The following SMYD3 variants were observed in gnomAD, a reference collection of about 807,000 sequenced individuals.
SMYD3 encodes the protein SET and MYND domain containing 3, also known as histone-lysine N-methyltransferase SMYD3.
In SMYD3, 36 loss-of-function variants were observed where a neutral mutation model predicts 57.7. The observed-to-expected ratio is 0.62, with a 90% CI of 0.48 to 0.82. The LOEUF (loss-of-function observed/expected upper bound fraction) is 0.82, where lower values mean the gene tolerates loss of function less well. SMYD3 is among the 40% of genes least tolerant of loss of function. The pLI is 0.00. For missense variants in SMYD3, 515 were observed against 538.8 expected (o/e 0.96, Z 0.44); for synonymous variants, 211 against 195.0 (o/e 1.08, Z -0.68).
chr1:245,985,125 C>A (rs2058676810), intron 5 of SMYD3, among the ~76,000 whole-genome samples: 1 of 152,128 alleles, frequency 6.6e-6, no homozygotes, highest in Non-Finnish European at 1.5e-5. Flanking sequence ...CCACCTCCTT[C>A]ACTGCCTCCC....
intron 8 of SMYD3, among the ~76,000 whole-genome samples, chr1:245,864,681 T>G (rs1219324962): frequency 6.6e-6 from 1 of 152,062 alleles, no homozygotes; most frequent in Non-Finnish European, 1.5e-5. Flanking sequence ...GCTCTAAAAT[T>G]GACACCATGC....
chr1:246,089,644 T>C (rs2060786299), intron 5 of SMYD3, among the ~76,000 whole-genome samples: 1 of 152,192 alleles, frequency 6.6e-6, no homozygotes, highest in Non-Finnish European at 1.5e-5. Flanking sequence ...CAGATTTTCA[T>C]GTTATATTTC....
At chr1:245,778,972 C>T (rs1255165298) in intron 10 of SMYD3, among the ~76,000 whole-genome samples, 1 of 151,912 alleles carries the variant, frequency 6.6e-6, no homozygotes, top group African/African-American at 2.4e-5. Context: ...CCAGCCTGGC[C>T]AACATGGTGA....
intron 10 of SMYD3, among the ~76,000 whole-genome samples, chr1:245,847,107 T>C (rs1032532017): frequency 6.6e-6 from 1 of 152,190 alleles, no homozygotes; most frequent in African/African-American, 2.4e-5. Context: ...CCTTAACACA[T>C]CTAACAATAA....
At chr1:245,894,099 G>T (rs1232021460) in intron 8 of SMYD3, among the ~76,000 whole-genome samples, 1 of 152,190 alleles carries the variant, frequency 6.6e-6, no homozygotes, top group East Asian at 1.9e-4. Flanking sequence ...TGGGGAATTG[G>T]AGAACTTTTC....
intron 10 of SMYD3, among the ~76,000 whole-genome samples, chr1:245,816,912 G>A (rs544770476): frequency 2.6e-5 from 4 of 151,084 alleles, no homozygotes; most frequent in South Asian, 2.1e-4. Context: ...ACGGAGTCTC[G>A]CTGATTGCCA....
intron 5 of SMYD3, among the ~76,000 whole-genome samples, chr1:246,007,806 G>T (rs2059202958): frequency 1.4e-5 from 2 of 145,206 alleles, no homozygotes; most frequent in Non-Finnish European, 1.5e-5. Flanking sequence ...AACAGAGCCA[G>T]ACCCTGACCA....
chr1:246,504,403 G>GT (rs1491501216), intron 1 of SMYD3, among the ~76,000 whole-genome samples: 1 of 152,102 alleles, frequency 6.6e-6, no homozygotes, highest in Admixed American at 6.5e-5. Context: ...CCTGCACCGC[G>GT]TGTTACTGTA....
rs397729230 is a variant in SMYD3, at chr1:246,157,652, T to TC, written c.531+169548dup. On this transcript the variant is annotated intron_variant, in intron 5 of 11. Coordinates refer to ENST00000490107, the MANE Select transcript of SMYD3 (RefSeq NM_001167740.2). ...CCACAACAATAAGCTTTGTCTTTTT[T>TC]CCCCCCCATAGGTCAGCTTCCTTCT... 5.7e-3 allele frequency among the ~76,000 whole-genome samples: 860 copies of TC among 151,072 alleles called. 5 individuals carry two copies. The highest frequency in any genetic ancestry group is 0.014 in the African/African-American group (574 of 41,118).
intron 9 of SMYD3, among the ~76,000 whole-genome samples, chr1:245,860,362 T>C (rs2051471760): frequency 6.6e-6 from 1 of 152,136 alleles, no homozygotes; most frequent in Non-Finnish European, 1.5e-5. Context: ...TCCATACCCT[T>C]CTCAGAACAC....
At chr1:246,289,162 C>G (rs1466759308) in intron 5 of SMYD3, among the ~76,000 whole-genome samples, 2 of 151,930 alleles carry the variant, frequency 1.3e-5, no homozygotes, top group African/African-American at 4.8e-5. Context: ...TAAAATTATC[C>G]AAAACATGAA....
intron 10 of SMYD3, among the ~76,000 whole-genome samples, chr1:245,833,059 C>CAAAAAAAAAAAAAAAAAAAAAAAAAAAA (rs35215737): frequency 4.9e-5 from 2 of 40,832 alleles, no homozygotes; most frequent in East Asian, 5.7e-4. Context: ...GAATATGTGA[C>CAAAAAAAAAAAAAAAAAAAAAAAAAAAA]AAAAAAAAAA....
In SMYD3 at chr1:245,894,187, T is replaced by C. The variant is rs562830852; in HGVS notation, c.813+21343A>G. On this transcript the variant is annotated intron_variant, in intron 8 of 11. Transcript: ENST00000490107. ...GACGTTTGTAAAATGCACCAATCAG[T>C]GCTCTGTAAAAACGCACCAATCAGC... 9.9e-4 allele frequency among the ~76,000 whole-genome samples: 150 copies of C among 152,136 alleles called. 1 individual carries two copies. The highest frequency in any genetic ancestry group is 1.7e-3 in the Non-Finnish European group (113 of 67,992).
intron 7 of SMYD3, among the ~76,000 whole-genome samples, chr1:245,927,362 G>A (rs1233853783): frequency 6.6e-6 from 1 of 152,186 alleles, no homozygotes; most frequent in Non-Finnish European, 1.5e-5. Flanking sequence ...CATCCTCCCT[G>A]TCCTCTATTC....
chr1:246,040,579 G>A (rs912816318), intron 5 of SMYD3, among the ~76,000 whole-genome samples: 1 of 152,184 alleles, frequency 6.6e-6, no homozygotes. Context: ...GCCACGTGGG[G>A]ATAAATCCTT....
chr1:246,442,378 G>A (rs796421367), intron 1 of SMYD3, among the ~76,000 whole-genome samples: 11 of 151,924 alleles, frequency 7.2e-5, no homozygotes, highest in African/African-American at 2.4e-4. Context: ...GTGAAACCCC[G>A]CCTCTACTAA....
intron 5 of SMYD3, among the ~76,000 whole-genome samples, chr1:246,119,464 G>A (rs578080426): frequency 6.7e-6 from 1 of 149,862 alleles, no homozygotes; most frequent in South Asian, 2.1e-4. Context: ...CCAGGCTGGA[G>A]TGTAGGGGCA....
chr1:246,282,119 T>C (rs111281746), intron 5 of SMYD3, among the ~76,000 whole-genome samples: 2,526 of 151,940 alleles, frequency 0.017, 68 homozygotes, highest in African/African-American at 0.058. Flanking sequence ...ATATAGATCA[T>C]GGCATAGTAG....
rs113142217 is a variant in SMYD3 at position 246,147,823 on chromosome 1, A to G, written c.531+179378T>C. Among the ~76,000 whole-genome samples the G allele has an allele frequency of 2.6e-3, 397 of 151,786 alleles. 3 individuals carry two copies. The highest frequency in any genetic ancestry group is 9.0e-3 in the African/African-American group (374 of 41,394). ...GGAGCCAGGGACAAGAGGGAGCCCC[A>G]CCTTTACTGAGTTGGTGGAGCGTGA... On this transcript the variant is annotated intron_variant, in intron 5 of 11. Transcript: ENST00000490107.
Sources: allele counts gnomAD v4.1 joint callset (sites outside exome capture counted in the v4.1 genomes callset), GRCh38; gene constraint gnomAD v4.1.1; transcripts MANE v1.5; gene names NCBI Gene and HGNC (gene_info 2026-07-23, HGNC 2026-07-21).